ARHGAP20: variants seen among roughly 807,000 people sequenced by gnomAD.
The protein encoded by ARHGAP20 is rho GTPase-activating protein 20.
Under a neutral mutation model 73.7 loss-of-function variants are expected in ARHGAP20, and 34 were observed. The ratio of observed to expected loss-of-function variants is 0.46; its 90% CI spans 0.35 to 0.61. ARHGAP20 has a LOEUF of 0.61. Among genes scored for constraint, ARHGAP20 ranks in the 20% least tolerant of loss-of-function variants. ARHGAP20 has a pLI of 0.00. For synonymous variants in ARHGAP20, 523 were observed against 518.2 expected, an observed-to-expected ratio of 1.01 and a Z score of -0.13; for missense variants, 1,314 against 1,420.9, an observed-to-expected ratio of 0.92 and a Z score of 1.21.
Position 110,608,767 on chromosome 11 carries a change from A to G in ARHGAP20, c.775+217T>C, listed in dbSNP as rs537024419. Among the ~76,000 whole-genome samples, 15 of 152,294 alleles carry G rather than the reference A, an allele frequency of 9.8e-5. No homozygotes were observed. In the South Asian group the frequency reaches 3.1e-3, roughly 32 times the overall value. ...AATGAAAAAGCAGAGCGAAAAGTTT[A>G]TATTTCTCTTCCCAACTATACCATT... On this transcript the variant is annotated intron_variant, in intron 8 of 14. Transcript: ENST00000683387.
Position 110,580,729 on chromosome 11 carries a change from A to C in ARHGAP20, c.2217T>G (p.Asp739Glu). 2 of 1,614,030 alleles carry C rather than the reference A, an allele frequency of 1.2e-6. No homozygotes were observed. Among genetic ancestry groups the C allele is most frequent in the Non-Finnish European group, 1.7e-6 (2 of 1,179,974 alleles). The change falls in exon 15 of 15, where the codon GAT becomes GAG. Residue 739 changes from aspartate (D) to glutamate (E), a missense_variant. Coordinates refer to ENST00000683387, the MANE Select transcript of ARHGAP20 (RefSeq NM_001384657.1). ...GTTGATTCTGCTTCAGATAGTCTTC[A>C]TCTTTTTGAGAAAGAATTGCATCAC... ...SSCDAILSQK[D>E]EDYLKQNQPL...
At chr11:110,629,963 G>C (rs1948825970) in intron 3 of ARHGAP20, among the ~76,000 whole-genome samples, 1 of 152,176 alleles carries the variant, frequency 6.6e-6, no homozygotes, top group Non-Finnish European at 1.5e-5. Flanking sequence ...TAATGTTTTT[G>C]GGTAATTTGT....
At chr11:110,584,981 GTGAAAATATATA>G (rs945890119) in intron 12 of ARHGAP20, among the ~76,000 whole-genome samples, 1 of 138,792 alleles carries the variant, frequency 7.2e-6, no homozygotes, top group African/African-American at 2.6e-5. Context: ...GAATATATAT[GTGAAAATATATA>G]TGAATATATG....
chr11:110,658,641 A>AAACCT (rs1364799658), intron 2 of ARHGAP20, among the ~76,000 whole-genome samples: 1 of 152,186 alleles, frequency 6.6e-6, no homozygotes, highest in East Asian at 1.9e-4. Flanking sequence ...TTTACAAGGT[A>AAACCT]GAGTTTAGCC....
intron 1 of ARHGAP20, among the ~76,000 whole-genome samples, chr11:110,697,708 G>A (rs1168327581): frequency 6.6e-6 from 1 of 151,510 alleles, no homozygotes; most frequent in Non-Finnish European, 1.5e-5. Context: ...TATTTTTGTT[G>A]GCTTTGTTGA....
intron 11 of ARHGAP20, among the ~76,000 whole-genome samples, 158 bp downstream of exon 11, chr11:110,590,490 T>G (rs1947798200): frequency 6.6e-6 from 1 of 152,248 alleles, no homozygotes; most frequent in Admixed American, 6.5e-5. Context: ...ATGTTGACTT[T>G]GTGAAATGTT....
chr11:110,688,472 A>C (rs1950179907), intron 2 of ARHGAP20, among the ~76,000 whole-genome samples: 1 of 152,198 alleles, frequency 6.6e-6, no homozygotes, highest in African/African-American at 2.4e-5. Context: ...CTTCCAGTAA[A>C]AAATTTTACC....
intron 1 of ARHGAP20, 163 bp downstream of exon 1, chr11:110,711,964 A>C (rs1458232544): frequency 8.0e-7 from 1 of 1,251,964 alleles, no homozygotes; most frequent in African/African-American, 1.6e-5. Flanking sequence ...GCTGGCCGTC[A>C]AGGGCGGGAA....
chr11:110,583,607 T>C lies in ARHGAP20; in HGVS notation c.1546A>G (p.Ser516Gly), dbSNP rs1947534194. ...AFNLAVCVAPSILWPPASSSP... is the reference protein window; with the variant it reads ...AFNLAVCVAPGILWPPASSSP... The stretch of plus-strand genomic sequence containing the variant: ...GAGGAAGCAGGAGGCCAAAGAATAC[T>C]TGGAGCGACACACACAGCTAAATTA... The change falls in exon 13 of 15, where the codon AGT (serine) becomes GGT (glycine). Residue 516 changes from serine to glycine, a missense_variant. Around this residue, in one of 3 missense-constraint regions of ARHGAP20, gnomAD observed 230 missense variants for 317.6 expected, o/e 0.72. Transcript: ENST00000683387. 1 of 1,612,598 alleles carries C rather than the reference T, an allele frequency of 6.2e-7. No homozygotes were observed. The highest frequency in any genetic ancestry group is 8.5e-7 in the Non-Finnish European group (1 of 1,179,076).
At chr11:110,661,786 C>T (rs1000591772) in intron 2 of ARHGAP20, among the ~76,000 whole-genome samples, 2 of 151,986 alleles carry the variant, frequency 1.3e-5, no homozygotes, top group Admixed American at 6.6e-5. Context: ...TATTCTTCTA[C>T]GTCACTAGCA....
chr11:110,682,403 T>C (rs1441203586), intron 2 of ARHGAP20, among the ~76,000 whole-genome samples: 2 of 152,168 alleles, frequency 1.3e-5, no homozygotes, highest in Non-Finnish European at 2.9e-5. Context: ...GTTGAAAAAC[T>C]TACCCAAGAT....
chr11:110,697,127 G>C (rs1246179026), intron 1 of ARHGAP20, among the ~76,000 whole-genome samples: 1 of 151,182 alleles, frequency 6.6e-6, no homozygotes, highest in Non-Finnish European at 1.5e-5. Context: ...TTGCAGGATT[G>C]AATGGTATTT....
chr11:110,685,900 A>G (rs540033069), intron 2 of ARHGAP20, among the ~76,000 whole-genome samples: 10 of 152,268 alleles, frequency 6.6e-5, no homozygotes, highest in South Asian at 2.1e-4. Flanking sequence ...CTCATGTTAC[A>G]TTTCAAGAGA....
At position 110,606,652 on chromosome 11, in the gene ARHGAP20, C is replaced by T. The variant is rs1045027050; in HGVS notation, c.873G>A (p.Gln291=). Reference sequence around the variant, plus strand: ...GGAGCTGTTCCATAAGGAAGGGCTCCTGGAGGTTGAAAGGGGTGGTAGAGT... The same window carrying T: ...GGAGCTGTTCCATAAGGAAGGGCTCTTGGAGGTTGAAAGGGGTGGTAGAGT... ...SKDSTTPFNL[Q]EPFLMEQLPR... Residue 291 remains glutamine (Q), a synonymous_variant, in exon 9 of 15, where the codon CAG becomes CAA. Coordinates refer to ENST00000683387, the MANE Select transcript of ARHGAP20 (RefSeq NM_001384657.1). 2 of 1,610,828 alleles carry T rather than the reference C, an allele frequency of 1.2e-6. No individual in the cohort carries two copies. Among genetic ancestry groups the T allele is most frequent in the Non-Finnish European group, 1.7e-6 (2 of 1,179,180 alleles).
chr11:110,693,817 T>C (rs959758422), intron 1 of ARHGAP20, among the ~76,000 whole-genome samples: 4 of 151,906 alleles, frequency 2.6e-5, no homozygotes, highest in Non-Finnish European at 4.4e-5. Context: ...GCTTACGTTA[T>C]GCTTATCTTA....
chr11:110,710,696 ACAT>A (rs1950632296), intron 1 of ARHGAP20, among the ~76,000 whole-genome samples: 1 of 152,170 alleles, frequency 6.6e-6, no homozygotes, highest in Non-Finnish European at 1.5e-5. Flanking sequence ...TACAGCCCAT[ACAT>A]CATCAAGTTC....
chr11:110,702,605 T>A (rs1950475079), intron 1 of ARHGAP20, among the ~76,000 whole-genome samples: 1 of 152,172 alleles, frequency 6.6e-6, no homozygotes, highest in African/African-American at 2.4e-5. Flanking sequence ...TGTCCCTGTT[T>A]GCAGATGACA....
chr11:110,615,125 C>T (rs1273351362), intron 5 of ARHGAP20, among the ~76,000 whole-genome samples: 2 of 152,114 alleles, frequency 1.3e-5, no homozygotes, highest in Non-Finnish European at 2.9e-5. Context: ...ACAGATGAGC[C>T]TAAGTCAATC....
At chr11:110,666,184 C>T (rs771008759) in intron 2 of ARHGAP20, among the ~76,000 whole-genome samples, 11 of 151,990 alleles carry the variant, frequency 7.2e-5, no homozygotes, top group South Asian at 2.1e-4. Flanking sequence ...ACATTGAGAA[C>T]GATACAATAC....
Sources: gnomAD v4.1 joint callset for allele counts (sites outside exome capture counted in the v4.1 genomes callset) on GRCh38, gnomAD v4.1.1 for gene constraint, gnomAD v4.1.1 regional missense constraint, MANE v1.5 for transcripts, NCBI Gene and HGNC (gene_info 2026-07-23, HGNC 2026-07-21) for gene names.